DNAH12: variants seen among roughly 807,000 people sequenced by gnomAD.
The protein encoded by DNAH12 is dynein axonemal heavy chain 12.
DNAH12 carries 285 observed loss-of-function variants against 371.5 expected under a neutral mutation model. That is an observed-to-expected ratio of 0.77 (90% CI 0.70 to 0.85). The LOEUF is 0.85. Ranked by LOEUF, DNAH12 falls within the 40% of genes least tolerant of loss-of-function variation. The pLI is 0.00. For synonymous variants in DNAH12, 1,200 were observed against 1,213.0 expected, an observed-to-expected ratio of 0.99 and a Z score of 0.22; for missense variants, 3,611 against 3,689.4, an observed-to-expected ratio of 0.98 and a Z score of 0.55.
At chr3:57,305,124 T>C (rs541081974) in intron 69 of DNAH12, among the ~76,000 whole-genome samples, 1 of 152,242 alleles carries the variant, frequency 6.6e-6, no homozygotes, top group Non-Finnish European at 1.5e-5. Context: ...TCCTACAAGA[T>C]CTAAATAATT....
chr3:57,421,857 CACA>C, intron 35 of DNAH12, 151 bp from the exon 36 acceptor site: 1 of 685,988 alleles, frequency 1.5e-6, no homozygotes, highest in Non-Finnish European at 2.3e-6. Context: ...ACTGCTAAGC[CACA>C]TAGTCATTTC....
At chr3:57,499,548 C>G (rs1042903955) in intron 11 of DNAH12, among the ~76,000 whole-genome samples, 1 of 144,062 alleles carries the variant, frequency 6.9e-6, no homozygotes, top group African/African-American at 2.6e-5. Flanking sequence ...AATCCCAACA[C>G]TTTGAGAGGC....
intron 22 of DNAH12, among the ~76,000 whole-genome samples, chr3:57,456,442 AGAAATATACGTGTTTAT>A (rs1314504519): frequency 6.6e-6 from 1 of 152,226 alleles, no homozygotes; most frequent in Non-Finnish European, 1.5e-5. Context: ...TCCTAAAGGC[AGAAATATACGTGTTTAT>A]CATTCAAGAT....
chr3:57,447,452 G>A (rs2065544874), intron 25 of DNAH12, among the ~76,000 whole-genome samples: 1 of 152,068 alleles, frequency 6.6e-6, no homozygotes, highest in Admixed American at 6.6e-5. Flanking sequence ...AAAAAGTACG[G>A]CTAAGTGACC....
At chr3:57,449,298 A>G (rs944966486) in intron 25 of DNAH12, among the ~76,000 whole-genome samples, 10 of 152,218 alleles carry the variant, frequency 6.6e-5, no homozygotes, top group Non-Finnish European at 1.3e-4. Context: ...TGGATCCCAC[A>G]CCCGGGCTGC....
At chr3:57,430,476 G>A (rs1420385042) in intron 32 of DNAH12, among the ~76,000 whole-genome samples, 2 of 152,064 alleles carry the variant, frequency 1.3e-5, no homozygotes. Flanking sequence ...CAAAGACTAT[G>A]CATTGAGTTT....
chr3:57,457,168 A>C (rs2065923871), intron 22 of DNAH12, among the ~76,000 whole-genome samples: 1 of 152,214 alleles, frequency 6.6e-6, no homozygotes. Context: ...AAAAATATAA[A>C]TCAGACTATG....
At chr3:57,498,952 T>C (rs1489210496) in intron 11 of DNAH12, among the ~76,000 whole-genome samples, 1 of 151,906 alleles carries the variant, frequency 6.6e-6, no homozygotes, top group African/African-American at 2.4e-5. Flanking sequence ...TGAGCCGAGA[T>C]TGCACCACTG....
intron 55 of DNAH12, among the ~76,000 whole-genome samples, chr3:57,369,104 C>T (rs1227337731): frequency 2.7e-5 from 4 of 150,842 alleles, no homozygotes; most frequent in Admixed American, 2.6e-4. Flanking sequence ...CCTGTAATCC[C>T]AGCTACAGGG....
At chr3:57,373,318 ATT>A (rs36162551) in intron 55 of DNAH12, among the ~76,000 whole-genome samples, 17,796 of 144,204 alleles carry the variant, frequency 0.12, 1,516 homozygotes, top group East Asian at 0.51. Flanking sequence ...TACTCAACTG[ATT>A]TTTTTTTTTT....
intron 13 of DNAH12, among the ~76,000 whole-genome samples, chr3:57,474,852 T>C (rs1276488845): frequency 6.6e-6 from 1 of 151,746 alleles, no homozygotes. Context: ...GGCGCGTGCC[T>C]GTAGTCCCAG....
intron 34 of DNAH12, 31 bp downstream of exon 34, chr3:57,428,602 A>G: frequency 6.6e-7 from 1 of 1,512,724 alleles, no homozygotes; most frequent in Non-Finnish European, 8.8e-7. Context: ...AAACAAAGAA[A>G]CTTGAATAGG....
At chr3:57,405,526 C>T (rs2153353150) in intron 41 of DNAH12, 127 bp downstream of exon 41, 2 of 1,092,838 alleles carry the variant, frequency 1.8e-6, no homozygotes, top group East Asian at 2.6e-5. Flanking sequence ...TCAAAACAAA[C>T]ACCTATTTAC....
chr3:57,540,102 G>A (rs1421768937), intron 2 of DNAH12, among the ~76,000 whole-genome samples: 1 of 151,898 alleles, frequency 6.6e-6, no homozygotes. Context: ...CCAGGCTGGA[G>A]TGCAATGGCT....
At chr3:57,381,001 A>G (rs1163956881) in intron 50 of DNAH12, among the ~76,000 whole-genome samples, 7 of 152,154 alleles carry the variant, frequency 4.6e-5, no homozygotes, top group African/African-American at 1.7e-4. Flanking sequence ...TTCTAAATTT[A>G]TTTTCCTTTA....
chr3:57,455,343 C>T (rs375432961), intron 22 of DNAH12, among the ~76,000 whole-genome samples: 2 of 151,770 alleles, frequency 1.3e-5, no homozygotes, highest in African/African-American at 4.8e-5. Context: ...GGCAATGGAT[C>T]ACCTGAGGTC....
At chr3:57,501,608 A>T (rs966199742) in intron 10 of DNAH12, among the ~76,000 whole-genome samples, 196 bp from the exon 11 acceptor site, 1 of 152,216 alleles carries the variant, frequency 6.6e-6, no homozygotes, top group Non-Finnish European at 1.5e-5. Flanking sequence ...ATTTTAAAAC[A>T]AAGGTATTAG....
At chr3:57,397,911 C>T (rs928598190) in intron 43 of DNAH12, among the ~76,000 whole-genome samples, 11 of 152,078 alleles carry the variant, frequency 7.2e-5, no homozygotes, top group African/African-American at 2.4e-4. Context: ...ATTAAGGAAA[C>T]GTGGCCCAGT....
intron 12 of DNAH12, among the ~76,000 whole-genome samples, chr3:57,484,464 C>T (rs535435432): frequency 6.6e-6 from 1 of 151,986 alleles, no homozygotes; most frequent in South Asian, 2.1e-4. Flanking sequence ...GAAAGGACAC[C>T]CTATTCAATA....
Sources: gnomAD v4.1 joint callset for allele counts (sites outside exome capture counted in the v4.1 genomes callset) on GRCh38, gnomAD v4.1.1 for gene constraint, MANE v1.5 for transcripts, NCBI Gene and HGNC (gene_info 2026-07-23, HGNC 2026-07-21) for gene names.